The following SLC11A2 variants were observed in gnomAD, a reference collection of about 807,000 sequenced individuals.
SLC11A2 encodes the protein natural resistance-associated macrophage protein 2.
In SLC11A2, 38 loss-of-function variants were observed where a neutral mutation model predicts 68.0. The ratio of observed to expected loss-of-function variants is 0.56; its 90% CI spans 0.43 to 0.73. The LOEUF (loss-of-function observed/expected upper bound fraction) is 0.73. Ranked by LOEUF, SLC11A2 falls within the 30% of genes least tolerant of loss-of-function variation. The pLI, the probability that SLC11A2 is intolerant of heterozygous loss-of-function variation, is 0.00. For missense variants in SLC11A2, 517 were observed against 690.5 expected (o/e 0.75, Z 2.82); for synonymous variants, 242 against 250.6 (o/e 0.97, Z 0.32).
chr12:50,981,801 G>A (rs1206659728), downstream of SLC11A2: 3 of 1,508,574 alleles, frequency 2.0e-6, no homozygotes, highest in South Asian at 2.5e-5. Context: ...ATCCCAGATG[G>A]CACTAAGGAA....
chr12:51,008,303 G>T, intron 3 of SLC11A2, 173 bp downstream of exon 3: 1 of 315,002 alleles, frequency 3.2e-6, no homozygotes, highest in Non-Finnish European at 5.9e-6. Flanking sequence ...TATAGATGGG[G>T]TGTGTGTGTG....
At chr12:50,992,731 A>AC in intron 12 of SLC11A2, 79 bp downstream of exon 12, 1 of 770,788 alleles carries the variant, frequency 1.3e-6, no homozygotes, top group Non-Finnish European at 1.8e-6. Context: ...ACTCCATCTC[A>AC]AAAAAAAAAA....
At chr12:50,974,321 T>C in the SLC11A2 span, among the ~76,000 whole-genome samples, 1 of 151,950 alleles carries the variant, frequency 6.6e-6, no homozygotes, top group African/African-American at 2.4e-5. Flanking sequence ...CAGAAGAGAG[T>C]GGGGGCCAAT....
chr12:51,008,158 T>C (rs1369457957), intron 3 of SLC11A2: 1 of 258,010 alleles, frequency 3.9e-6, no homozygotes, highest in African/African-American at 2.2e-5. Context: ...TGGGCTATGG[T>C]TGTGCCACTG....
chr12:51,004,541 TG>T (rs1201563552), intron 5 of SLC11A2, among the ~76,000 whole-genome samples: 1 of 152,144 alleles, frequency 6.6e-6, no homozygotes, highest in African/African-American at 2.4e-5. Flanking sequence ...CCAGAGTGAA[TG>T]GTAACACAGT....
At chr12:51,008,214 TTAGATAGACAGATAGATAGATAGA>T (rs1942891584) in intron 3 of SLC11A2, 2 of 342,934 alleles carry the variant, frequency 5.8e-6, no homozygotes, top group Non-Finnish European at 1.0e-5. Context: ...GTAAAAAAGA[TTAGATAGACAGATAGATAGATAGA>T]TAGATAGATA....
downstream of SLC11A2, among the ~76,000 whole-genome samples, chr12:50,982,911 G>A (rs1026230030): frequency 4.7e-5 from 7 of 150,004 alleles, no homozygotes; most frequent in South Asian, 2.1e-4. Flanking sequence ...ACTGCACTCC[G>A]GCCTGGGCAA....
intron 14 of SLC11A2, 36 bp downstream of exon 14, chr12:50,991,563 A>G: frequency 6.4e-7 from 1 of 1,552,520 alleles, no homozygotes; most frequent in Non-Finnish European, 8.9e-7. Context: ...TCCCCATATC[A>G]GCATCCCCTT....
At chr12:50,981,845 G>A (rs773770925), downstream of SLC11A2, 7 of 1,186,120 alleles carry the variant, frequency 5.9e-6, no homozygotes, top group South Asian at 4.7e-5. Flanking sequence ...TGATTTTCAC[G>A]TATTTATTGA....
At chr12:50,990,635 C>T in intron 15 of SLC11A2, 160 bp downstream of exon 15, 1 of 705,114 alleles carries the variant, frequency 1.4e-6, no homozygotes, top group Non-Finnish European at 2.4e-6. Flanking sequence ...GTCTCTAACT[C>T]CTGGATTCAA....
At chr12:50,992,148 T>A (rs200490833) in intron 13 of SLC11A2, 42 bp downstream of exon 13, 3 of 1,608,730 alleles carry the variant, frequency 1.9e-6, no homozygotes, top group Non-Finnish European at 1.7e-6. Flanking sequence ...TACATAATGC[T>A]ACCTGAATAA....
the SLC11A2 span, among the ~76,000 whole-genome samples, chr12:50,955,450 A>G: frequency 6.6e-6 from 1 of 152,184 alleles, no homozygotes; most frequent in Admixed American, 6.5e-5. Flanking sequence ...TTTCTTCTCC[A>G]TGGATGTATA....
rs994800837 is a variant in SLC11A2, at chr12:51,026,340, G to A, written c.-69C>T. Reference sequence around the variant, plus strand: ...CAGCTCCGCAACCACCTGACACGCCGCCCCCGCGCCCAGGGCTCCATATTC... The same window carrying A: ...CAGCTCCGCAACCACCTGACACGCCACCCCCGCGCCCAGGGCTCCATATTC... On this transcript the variant is annotated 5_prime_UTR_variant, in exon 1 of 16. Transcript: ENST00000262052. The A allele has an allele frequency of 7.1e-6, 9 of 1,274,744 alleles. No individual in the cohort carries two copies. Among genetic ancestry groups the A allele is most frequent in the African/African-American group, 3.1e-5 (2 of 65,158 alleles). 79.0% of individuals were successfully genotyped at this position (1,274,744 alleles called of 1,614,324 possible). A position where few individuals can be genotyped will look rare whatever the true frequency, so the allele number is the denominator to read the frequency against.
intron 10 of SLC11A2, 113 bp downstream of exon 10, chr12:50,995,516 A>G: frequency 8.9e-7 from 1 of 1,125,408 alleles, no homozygotes; most frequent in Non-Finnish European, 1.3e-6. Flanking sequence ...GAGAAGCTAG[A>G]GATTATTTCT....
rs193014428 is a variant in SLC11A2 at position 51,018,930 on chromosome 12, A to G, written c.-39+7380T>C. 3.0e-3 allele frequency among the ~76,000 whole-genome samples: 463 copies of G among 152,340 alleles called. 2 individuals are homozygous for G. Among genetic ancestry groups the G allele is most frequent in the African/African-American group, 0.011 (448 of 41,592 alleles). On this transcript the variant is annotated intron_variant, in intron 1 of 15. Coordinates refer to ENST00000262052, the MANE Select transcript of SLC11A2 (RefSeq NM_000617.3). ...GGTTTAGAGAGGAATGTTTTTAAAT[A>G]CAGTCCCTTAATTCTTTCCTCCTTT...
At chr12:50,979,866 A>G (rs1462854274), downstream of SLC11A2, 9 of 454,014 alleles carry the variant, frequency 2.0e-5, no homozygotes, top group Non-Finnish European at 3.5e-5. Flanking sequence ...TGAAAGGGGA[A>G]AGTGATGCTC....
chr12:50,970,949 G>T, the SLC11A2 span, among the ~76,000 whole-genome samples: 19,658 of 151,852 alleles, frequency 0.13, 1,744 homozygotes, highest in East Asian at 0.42. Context: ...TATAATCTCC[G>T]CTCACCGCAA....
intron 14 of SLC11A2, among the ~76,000 whole-genome samples, 192 bp from the exon 15 acceptor site, chr12:50,991,140 G>T (rs540232901): frequency 1.3e-5 from 2 of 152,242 alleles, no homozygotes; most frequent in Admixed American, 6.5e-5. Context: ...GAGAAAGAGG[G>T]GGGAAAAGAC....
At chr12:51,005,764 C>A (rs1809808215) in intron 3 of SLC11A2, 4 of 1,146,174 alleles carry the variant, frequency 3.5e-6, no homozygotes, top group Non-Finnish European at 4.7e-6. Context: ...AGGAAACAAG[C>A]CAGGTGTGGT....
Sources: allele counts gnomAD v4.1 joint callset (sites outside exome capture counted in the v4.1 genomes callset), GRCh38; gene constraint gnomAD v4.1.1; transcripts MANE v1.5; gene names NCBI Gene and HGNC (gene_info 2026-07-23, HGNC 2026-07-21).